OR9K2: variants seen among roughly 807,000 people sequenced by gnomAD.
OR9K2 encodes olfactory receptor family 9 subfamily K member 2, also known as olfactory receptor 9K2.
OR9K2 carries 16 observed loss-of-function variants against 12.4 expected under a neutral mutation model. The observed-to-expected ratio is 1.29, with a 90% confidence interval of 0.87 to 1.95. The LOEUF (loss-of-function observed/expected upper bound fraction) is 1.95. OR9K2 is among the 30% of genes most tolerant of loss of function. The probability of loss-of-function intolerance (pLI) is 0.00; values close to 1 mark genes in which losing one functional copy is unlikely to be tolerated. For missense variants in OR9K2, 434 were observed against 376.5 expected, an observed-to-expected ratio of 1.15 and a Z score of -1.26; for synonymous variants, 133 against 133.2, an observed-to-expected ratio of 1.00 and a Z score of 0.01.
intron 2 of OR9K2, among the ~76,000 whole-genome samples, chr12:55,129,255 G>A (rs777782389): frequency 6.6e-6 from 1 of 151,870 alleles, no homozygotes; most frequent in South Asian, 2.1e-4. Flanking sequence ...TATCTTAGTG[G>A]GTACATAACT....
Position 55,130,052 on chromosome 12 carries a change from A to T in OR9K2, c.218A>T (p.Asp73Val), listed in dbSNP as rs1953458966. 1 of 1,612,640 alleles carries T rather than the reference A, an allele frequency of 6.2e-7. No individual in the cohort carries two copies. The highest frequency in any genetic ancestry group is 8.5e-7 in the Non-Finnish European group (1 of 1,179,970). The change falls in exon 3 of 3, where the codon GAT becomes GTT. Residue 73 changes from aspartate (D) to valine (V), a missense_variant. Coordinates refer to ENST00000641329, the MANE Select transcript of OR9K2 (RefSeq NM_001005243.2). ...TTCCTAGGCAATCTCTCCTTCATTG[A>T]TCTTTTCTATTCATCTGTTATTGAA... is the stretch of plus-strand genomic sequence containing the variant. The part of the protein sequence containing the change: ...YFFLGNLSFI[D>V]LFYSSVIEPK...
At chr12:55,129,536 A>T in intron 2 of OR9K2, 1 of 510,104 alleles carries the variant, frequency 2.0e-6, no homozygotes, top group Non-Finnish European at 3.4e-6. Flanking sequence ...GGAAATGTAT[A>T]AAGAAGTGAT....
In OR9K2 at chr12:55,130,497, C is replaced by A. The variant is rs1341385321; in HGVS notation, c.663C>A (p.Tyr221Ter). The change falls in exon 3 of 3, where the codon TAC becomes TAA. Residue 221 changes from tyrosine (Y) to a stop codon, truncating the protein, a stop_gained. Coordinates refer to ENST00000641329, the MANE Select transcript of OR9K2 (RefSeq NM_001005243.2). LOFTEE classifies it high-confidence loss of function. The part of the protein sequence containing the change: ...LPTIIVIIVS[Y>*]MYIVSTVLKI... ...CTATCATAGTCATTATAGTATCTTACATGTATATTGTGTCCACAGTTCTAA... is the reference window on the plus strand; with the variant it reads ...CTATCATAGTCATTATAGTATCTTAAATGTATATTGTGTCCACAGTTCTAA... 1 of 1,613,550 alleles carries A rather than the reference C, an allele frequency of 6.2e-7. No homozygotes were observed. Among genetic ancestry groups the A allele is most frequent in the Admixed American group, 1.7e-5 (1 of 59,938 alleles).
chr12:55,128,160 A>G (rs963684599), intron 2 of OR9K2, among the ~76,000 whole-genome samples: 4 of 151,884 alleles, frequency 2.6e-5, no homozygotes, highest in Non-Finnish European at 5.9e-5. Flanking sequence ...TGCTGACAAT[A>G]TATGGAGAAC....
intron 2 of OR9K2, among the ~76,000 whole-genome samples, chr12:55,129,514 G>A (rs1953452887): frequency 6.6e-6 from 1 of 152,050 alleles, no homozygotes; most frequent in South Asian, 2.1e-4. Flanking sequence ...GTTATTGTGT[G>A]AATCATGAGT....
In OR9K2 at chr12:55,130,621, C is replaced by G; in HGVS notation, c.787C>G (p.Leu263Val). 5 of 1,613,896 alleles carry G rather than the reference C, an allele frequency of 3.1e-6. No homozygotes were observed. The highest frequency in any genetic ancestry group is 4.2e-6 in the Non-Finnish European group (5 of 1,179,900). ...GTATGGTGCTGTCTTTTTTATGTATCTCACTCCTGACAGATTTCCTGAGCT... is the reference window on the plus strand; with the variant it reads ...GTATGGTGCTGTCTTTTTTATGTATGTCACTCCTGACAGATTTCCTGAGCT... ...VLYGAVFFMY[L>V]TPDRFPELSK... The change falls in exon 3 of 3, where the codon CTC becomes GTC. Residue 263 changes from leucine to valine, a missense_variant. By Grantham distance (32) the Leu-to-Val change is conservative. Transcript: ENST00000641329.
Position 55,130,149 on chromosome 12 carries a change from T to C in OR9K2, c.315T>C (p.Phe105=). 6.2e-7 allele frequency: 1 copy of C among 1,614,052 alleles called. No homozygotes were observed. Among genetic ancestry groups the C allele is most frequent in the Non-Finnish European group, 8.5e-7 (1 of 1,180,010 alleles). Residue 105 remains phenylalanine, a synonymous_variant, in exon 3 of 3, where the codon TTT becomes TTC. Coordinates refer to ENST00000641329, the MANE Select transcript of OR9K2 (RefSeq NM_001005243.2). ...TTGCAGGCTGTGTGGCCCAGCTCTTTCTCTTTGCCCTCCTCATTGTGACTG... is the reference window on the plus strand; with the variant it reads ...TTGCAGGCTGTGTGGCCCAGCTCTTCCTCTTTGCCCTCCTCATTGTGACTG... ...ISFAGCVAQL[F]LFALLIVTEG...
Position 55,130,816 on chromosome 12 carries a change from T to G in OR9K2, c.*40T>G, listed in dbSNP as rs1320896271. The G allele has an allele frequency of 1.8e-6, 2 of 1,132,332 alleles. No homozygotes were observed. The highest frequency in any genetic ancestry group is 2.5e-6 in the Non-Finnish European group (2 of 786,238). 70.1% of individuals were successfully genotyped at this position (1,132,332 alleles called of 1,614,324 possible). On this transcript the variant is annotated 3_prime_UTR_variant, in exon 3 of 3. Coordinates refer to ENST00000641329, the MANE Select transcript of OR9K2 (RefSeq NM_001005243.2). ...TCACCAATTTTATTGTGGCTATTTA[T>G]TTAATACACCTGTGTTCATTAATAA... is the stretch of plus-strand genomic sequence containing the variant.
chr12:55,129,801 TA>T (rs769556749), intron 2 of OR9K2, 24 bp from the exon 3 acceptor site: 2 of 1,592,838 alleles, frequency 1.3e-6, no homozygotes, highest in African/African-American at 1.5e-5. Context: ...TTCATTTGTA[TA>T]TTTTGCCCTG....
chr12:55,130,607 T>A lies in OR9K2; in HGVS notation c.773T>A (p.Val258Asp). ...GTTGTGAGTGTGCTGTATGGTGCTG[T>A]CTTTTTTATGTATCTCACTCCTGAC... ...LGVVSVLYGA[V>D]FFMYLTPDRF... Residue 258 changes from valine to aspartate, a missense_variant, in exon 3 of 3, where the codon GTC becomes GAC. Coordinates refer to ENST00000641329, the MANE Select transcript of OR9K2 (RefSeq NM_001005243.2). 1 of 1,613,968 alleles carries A rather than the reference T, an allele frequency of 6.2e-7. No individual in the cohort carries two copies. Among genetic ancestry groups the A allele is most frequent in the East Asian group, 2.2e-5 (1 of 44,876 alleles).
At position 55,131,699 on chromosome 12, in the gene OR9K2, C is replaced by T. The variant is rs1055714648; in HGVS notation, c.*923C>T. The T allele has an allele frequency of 1.3e-5, 2 of 152,072 alleles. No individual in the cohort carries two copies. Among genetic ancestry groups the T allele is most frequent in the East Asian group, 1.9e-4 (1 of 5,186 alleles). The allele number at this position is 152,072 out of a possible 1,614,324, so 9.4% of individuals were successfully genotyped here. A position where few individuals can be genotyped will look rare whatever the true frequency, so the allele number is the denominator to read the frequency against. On this transcript the variant is annotated 3_prime_UTR_variant, in exon 3 of 3. Coordinates refer to ENST00000641329, the MANE Select transcript of OR9K2 (RefSeq NM_001005243.2). The stretch of plus-strand genomic sequence containing the variant: ...TTAGTGAGATACTGAAATCCTTGGG[C>T]ATAAAACCAAAATCCAGACATTTTG...
At chr12:55,129,585 GTA>G (rs1477618076) in intron 2 of OR9K2, 1 of 578,786 alleles carries the variant, frequency 1.7e-6, no homozygotes, top group African/African-American at 1.9e-5. Flanking sequence ...GAAAGGCATT[GTA>G]TTAGATGCAG....
In OR9K2 at chr12:55,130,173, T is replaced by C; in HGVS notation, c.339T>C (p.Thr113=). 6.2e-7 allele frequency: 1 copy of C among 1,614,114 alleles called. No homozygotes were observed. The highest frequency in any genetic ancestry group is 8.5e-7 in the Non-Finnish European group (1 of 1,180,012). The change falls in exon 3 of 3, where the codon ACT becomes ACC. Residue 113 remains threonine (T), a synonymous_variant. Transcript: ENST00000641329. ...TTCTCTTTGCCCTCCTCATTGTGAC[T>C]GAGGGATTTCTCCTGGCGGCCATGG... is the stretch of plus-strand genomic sequence containing the variant. ...QLFLFALLIV[T]EGFLLAAMAY...
Position 55,126,819 on chromosome 12 carries a change from C to T in OR9K2, c.-93-9C>T, listed in dbSNP as rs1244296598. ...AGTCATTAATTAACTTTATGTTTAT[C>T]CTTTCTAGAATTAAAACAATAAACA... On this transcript the variant is annotated splice_polypyrimidine_tract_variant and intron_variant, in intron 1 of 2. Transcript: ENST00000641329. 6.6e-6 allele frequency: 1 copy of T among 151,916 alleles called. No homozygotes were observed. Among genetic ancestry groups the T allele is most frequent in the African/African-American group, 2.4e-5 (1 of 41,366 alleles). 9.4% of individuals were successfully genotyped at this position (151,916 alleles called of 1,614,324 possible).
intron 1 of OR9K2, 31 bp from the exon 2 acceptor site, chr12:55,126,797 C>T (rs1234617407): frequency 6.6e-6 from 1 of 151,992 alleles, no homozygotes; most frequent in African/African-American, 2.4e-5. Flanking sequence ...TTATGACAGT[C>T]ATTAATTAAC....
At chr12:55,128,251 G>T (rs1170478840) in intron 2 of OR9K2, among the ~76,000 whole-genome samples, 1 of 151,642 alleles carries the variant, frequency 6.6e-6, no homozygotes, top group Non-Finnish European at 1.5e-5. Context: ...GTGGCAGTTG[G>T]TCTCTTCAAA....
At chr12:55,127,944 A>G (rs530058216) in intron 2 of OR9K2, among the ~76,000 whole-genome samples, 2 of 152,172 alleles carry the variant, frequency 1.3e-5, no homozygotes, top group East Asian at 1.9e-4. Context: ...GAGAGAGAGC[A>G]TAAGTAACTT....
intron 2 of OR9K2, among the ~76,000 whole-genome samples, chr12:55,128,880 T>C (rs113711982): frequency 2.0e-5 from 3 of 152,304 alleles, no homozygotes; most frequent in African/African-American, 7.2e-5. Flanking sequence ...GTGGAAGAGT[T>C]CTACTGTAGA....
At chr12:55,129,684 C>G (rs1178561115) in intron 2 of OR9K2, 142 bp from the exon 3 acceptor site, 1 of 923,518 alleles carries the variant, frequency 1.1e-6, no homozygotes, top group Non-Finnish European at 1.6e-6. Context: ...CTTTAAGTCA[C>G]AGTATACTTA....
Sources: allele counts gnomAD v4.1 joint callset (sites outside exome capture counted in the v4.1 genomes callset), GRCh38; gene constraint gnomAD v4.1.1; transcripts MANE v1.5; gene names NCBI Gene and HGNC (gene_info 2026-07-23, HGNC 2026-07-21).